MAF: variants seen among roughly 807,000 people sequenced by gnomAD.
MAF encodes the protein transcription factor Maf.
In MAF, 10 loss-of-function variants were observed where a neutral mutation model predicts 22.0. The ratio of observed to expected loss-of-function variants is 0.45; its 90% CI spans 0.28 to 0.77. The LOEUF is 0.77. Ranked by LOEUF, MAF falls within the 30% of genes least tolerant of loss-of-function variation. MAF has a pLI of 0.12. For missense variants in MAF, 544 were observed against 548.4 expected (o/e 0.99, Z 0.08); for synonymous variants, 337 against 255.8 (o/e 1.32, Z -3.03).
At chr16:79,342,980 T>A in the MAF span, among the ~76,000 whole-genome samples, 1 of 152,172 alleles carries the variant, frequency 6.6e-6, no homozygotes, top group Non-Finnish European at 1.5e-5. Context: ...GGTAGTTTTT[T>A]TCATCAACGT....
At chr16:79,488,682 G>A in the MAF span, among the ~76,000 whole-genome samples, 2 of 152,002 alleles carry the variant, frequency 1.3e-5, no homozygotes, top group African/African-American at 4.8e-5. Context: ...GCTTTCAAGG[G>A]GACAATGCAT....
the MAF span, among the ~76,000 whole-genome samples, chr16:79,500,321 G>T: frequency 6.6e-6 from 1 of 152,200 alleles, no homozygotes; most frequent in Non-Finnish European, 1.5e-5. Flanking sequence ...CATTCTTCAT[G>T]GGATGGTGTT....
the MAF span, among the ~76,000 whole-genome samples, chr16:79,460,947 C>G: frequency 6.3e-4 from 96 of 152,184 alleles, no homozygotes; most frequent in African/African-American, 2.3e-3. Flanking sequence ...TTTCAGCTCT[C>G]CAAACTTGTA....
chr16:79,298,025 C>T, the MAF span, among the ~76,000 whole-genome samples: 7 of 152,268 alleles, frequency 4.6e-5, no homozygotes, highest in East Asian at 1.9e-4. Context: ...AGGTCCAGTG[C>T]GGAATGAAAA....
chr16:79,472,921 G>A, the MAF span, among the ~76,000 whole-genome samples: 1 of 152,012 alleles, frequency 6.6e-6, no homozygotes, highest in Non-Finnish European at 1.5e-5. Flanking sequence ...TTGAATGGGT[G>A]TGTACCGAGG....
the MAF span, among the ~76,000 whole-genome samples, chr16:79,369,456 C>T: frequency 1.3e-5 from 2 of 152,336 alleles, no homozygotes; most frequent in South Asian, 4.1e-4. Context: ...ACTAGTTCTG[C>T]TCTTCTCTTT....
At chr16:79,566,565 T>C in the MAF span, among the ~76,000 whole-genome samples, 1 of 152,198 alleles carries the variant, frequency 6.6e-6, no homozygotes, top group African/African-American at 2.4e-5. Flanking sequence ...TTCCTTTCAC[T>C]CTGCACCCTC....
chr16:79,334,538 C>T, the MAF span, among the ~76,000 whole-genome samples: 1 of 152,060 alleles, frequency 6.6e-6, no homozygotes, highest in East Asian at 1.9e-4. Context: ...ATTCATTGAT[C>T]TTAGGATTGT....
At chr16:79,581,512 G>C (rs1408380477), downstream of MAF, among the ~76,000 whole-genome samples, 1 of 151,144 alleles carries the variant, frequency 6.6e-6, no homozygotes, top group Non-Finnish European at 1.5e-5. Context: ...AACTTTGTCT[G>C]TGGAACCCAA....
chr16:79,422,328 C>T, the MAF span, among the ~76,000 whole-genome samples: 18 of 152,152 alleles, frequency 1.2e-4, no homozygotes, highest in East Asian at 1.9e-4. Flanking sequence ...CCTTTCTGCA[C>T]GGGCCAGAGG....
At chr16:79,212,766 T>TAATA in the MAF span, 1 of 152,178 alleles carries the variant, frequency 6.6e-6, no homozygotes, top group East Asian at 1.9e-4. Context: ...AAAGCGCTTC[T>TAATA]AATAAAGCGC....
chr16:79,375,647 T>C, the MAF span, among the ~76,000 whole-genome samples: 1 of 152,000 alleles, frequency 6.6e-6, no homozygotes, highest in Admixed American at 6.6e-5. Flanking sequence ...TTAATGCACA[T>C]CCCAGGCACT....
the MAF span, among the ~76,000 whole-genome samples, chr16:79,545,950 G>A: frequency 7.2e-5 from 11 of 152,014 alleles, no homozygotes; most frequent in East Asian, 3.9e-4. Flanking sequence ...TAATTTGCTT[G>A]ATTTAATTAA....
the MAF span, among the ~76,000 whole-genome samples, chr16:79,568,938 T>A: frequency 1.3e-5 from 2 of 152,332 alleles, no homozygotes; most frequent in African/African-American, 4.8e-5. Context: ...ATTTTACAGA[T>A]GAGAAGAACA....
chr16:79,341,393 C>T, the MAF span, among the ~76,000 whole-genome samples: 2 of 152,154 alleles, frequency 1.3e-5, no homozygotes, highest in Non-Finnish European at 2.9e-5. Context: ...GGCTACTCAG[C>T]GGGCTACTGG....
the MAF span, among the ~76,000 whole-genome samples, chr16:79,441,241 A>G: frequency 6.6e-6 from 1 of 152,202 alleles, no homozygotes; most frequent in Non-Finnish European, 1.5e-5. Flanking sequence ...TGACATTTAT[A>G]CCTAATTTCT....
chr16:79,358,576 C>A, the MAF span, among the ~76,000 whole-genome samples: 1 of 152,104 alleles, frequency 6.6e-6, no homozygotes, highest in African/African-American at 2.4e-5. Context: ...GTGAAGGATC[C>A]CACCTTGGCA....
At chr16:79,459,081 T>A in the MAF span, among the ~76,000 whole-genome samples, 3 of 152,182 alleles carry the variant, frequency 2.0e-5, no homozygotes, top group African/African-American at 7.2e-5. Context: ...ATCTCATCTA[T>A]CTCCATTACT....
At chr16:79,479,312 T>A in the MAF span, among the ~76,000 whole-genome samples, 69 of 152,354 alleles carry the variant, frequency 4.5e-4, no homozygotes, top group African/African-American at 1.6e-3. Flanking sequence ...CTATGTTCCA[T>A]GACAATGTAG....
Sources: allele counts gnomAD v4.1 joint callset (sites outside exome capture counted in the v4.1 genomes callset), GRCh38; gene constraint gnomAD v4.1.1; transcripts MANE v1.5; gene names NCBI Gene and HGNC (gene_info 2026-07-23, HGNC 2026-07-21).